The following RPH3A variants were observed in gnomAD, a reference collection of about 807,000 sequenced individuals.
The protein encoded by RPH3A is rabphilin 3A.
A neutral mutation model predicts 102.2 loss-of-function variants in RPH3A; 48 were observed. That is an observed-to-expected ratio of 0.47 (90% CI 0.37 to 0.60). The LOEUF is 0.60. Among genes scored for constraint, RPH3A ranks in the 20% least tolerant of loss-of-function variants. The probability of loss-of-function intolerance (pLI) is 0.00; values close to 1 mark genes in which losing one functional copy is unlikely to be tolerated. For missense variants in RPH3A, 781 were observed against 910.1 expected, an observed-to-expected ratio of 0.86 and a Z score of 1.83; for synonymous variants, 310 against 324.3, an observed-to-expected ratio of 0.96 and a Z score of 0.47.
chr12:112,827,463 T>C (rs1263195814), intron 2 of RPH3A, among the ~76,000 whole-genome samples: 24 of 152,226 alleles, frequency 1.6e-4, no homozygotes. Flanking sequence ...TGGTGAATAC[T>C]GGGCTGTTTC....
In RPH3A at chr12:112,876,773, T is replaced by A; in HGVS notation, c.1078T>A (p.Ser360Thr). 1.9e-6 allele frequency: 3 copies of A among 1,611,406 alleles called. No homozygotes were observed. Among genetic ancestry groups the A allele is most frequent in the South Asian group, 1.1e-5 (1 of 90,500 alleles). Residue 360 changes from serine (S) to threonine (T), a missense_variant, in exon 13 of 22, where the codon TCT becomes ACT. Ser to Thr is a moderately conservative substitution (Grantham distance 58). This residue lies in a region of RPH3A where 730 missense variants were observed against 810.0 expected (regional missense o/e 0.90). Transcript: ENST00000389385. Reference sequence around the variant, plus strand: ...CCCCTCCGGACCCTATTCCCAAGCATCTGCAGCTGCCCCCCAGCCTGCTGC... The same window carrying A: ...CCCCTCCGGACCCTATTCCCAAGCAACTGCAGCTGCCCCCCAGCCTGCTGC... The part of the protein sequence containing the change: ...SHPSGPYSQA[S>T]AAAPQPAAAR...
At chr12:112,797,207 T>C (rs535499728) in intron 2 of RPH3A, among the ~76,000 whole-genome samples, 7 of 152,186 alleles carry the variant, frequency 4.6e-5, no homozygotes, top group Non-Finnish European at 1.0e-4. Context: ...TTCATTCTTT[T>C]TCTTAAGGCT....
intron 1 of RPH3A, among the ~76,000 whole-genome samples, chr12:112,720,644 C>G (rs1489675384): frequency 6.6e-6 from 1 of 152,194 alleles, no homozygotes; most frequent in Non-Finnish European, 1.5e-5. Context: ...TCATTTGTCT[C>G]TTATCCTTTT....
chr12:112,859,341 C>T (rs2042469347), intron 5 of RPH3A, among the ~76,000 whole-genome samples: 1 of 152,158 alleles, frequency 6.6e-6, no homozygotes, highest in African/African-American at 2.4e-5. Flanking sequence ...GGCTTTTAAC[C>T]ATCGGCCACA....
intron 1 of RPH3A, among the ~76,000 whole-genome samples, chr12:112,736,108 AG>A (rs916174457): frequency 6.6e-6 from 1 of 152,108 alleles, no homozygotes; most frequent in African/African-American, 2.4e-5. Flanking sequence ...ACTCATTTAC[AG>A]TGGGGTTTCT....
chr12:112,697,021 A>G (rs912145365), intron 1 of RPH3A, among the ~76,000 whole-genome samples: 1 of 152,130 alleles, frequency 6.6e-6, no homozygotes, highest in Non-Finnish European at 1.5e-5. Flanking sequence ...AGAAAAATCT[A>G]CAAGTAATAT....
chr12:112,844,503 G>A (rs1593072657), intron 4 of RPH3A, among the ~76,000 whole-genome samples: 1 of 152,184 alleles, frequency 6.6e-6, no homozygotes, highest in Non-Finnish European at 1.5e-5. Context: ...ATGAGAACAT[G>A]GCCCAGCCCA....
At position 112,700,898 on chromosome 12, in the gene RPH3A, A is replaced by T. The variant is rs990227635; in HGVS notation, c.-139-91245A>T. Among the ~76,000 whole-genome samples, 41 of 152,042 alleles carry T rather than the reference A, an allele frequency of 2.7e-4. 1 individual carries two copies. Among genetic ancestry groups the T allele is most frequent in the African/African-American group, 9.9e-4 (41 of 41,390 alleles). On this transcript the variant is annotated intron_variant, in intron 1 of 21. Coordinates refer to the RPH3A transcript ENST00000543106. ...CCCAACCACCTTCTCTGGGCTGATG[A>T]TCCCTTCATCTCCATCCCCAGCACA...
At chr12:112,763,495 G>A (rs1565873312) in intron 1 of RPH3A, among the ~76,000 whole-genome samples, 2 of 152,304 alleles carry the variant, frequency 1.3e-5, no homozygotes, top group South Asian at 2.1e-4. Context: ...GGGCTTCCAG[G>A]TCATAGGTGG....
chr12:112,828,453 A>C, intron 3 of RPH3A, 64 bp downstream of exon 3: 1 of 1,227,436 alleles, frequency 8.1e-7, no homozygotes. Context: ...ACAATTCTAC[A>C]CTTGAAAAAA....
rs1158230534 is a variant in RPH3A at position 112,640,325 on chromosome 12, C to CAAAAAAAAAAAAAAAAAAAAAAAAA, written c.-140+65023_-140+65047dup. Reference sequence around the variant, plus strand: ...GGTCAACAAGAGCAAAACTCCATCTCAAAAAAAAAAAAAAAAAAAAAAAAA... The same window carrying CAAAAAAAAAAAAAAAAAAAAAAAAA: ...GGTCAACAAGAGCAAAACTCCATCTCAAAAAAAAAAAAAAAAAAAAAAAAAAAAAAAAAAAAAAAAAAAAAAAAAA... On this transcript the variant is annotated intron_variant, in intron 1 of 21. Coordinates refer to the RPH3A transcript ENST00000543106. 2.1e-4 allele frequency among the ~76,000 whole-genome samples: 3 copies of CAAAAAAAAAAAAAAAAAAAAAAAAA among 14,078 alleles called. 1 individual carries two copies. The highest frequency in any genetic ancestry group is 4.9e-3 in the East Asian group (2 of 406). 9.2% of individuals were successfully genotyped at this position (14,078 alleles called of 152,430 possible). A position where few individuals can be genotyped will look rare whatever the true frequency, so the allele number is the denominator to read the frequency against.
intron 2 of RPH3A, among the ~76,000 whole-genome samples, chr12:112,825,724 C>T (rs761384936): frequency 2.0e-5 from 3 of 152,050 alleles, no homozygotes; most frequent in South Asian, 4.2e-4. Context: ...GTGAACAAAA[C>T]GGAAAAAGTT....
chr12:112,579,071 T>C (rs2039378389), intron 1 of RPH3A, among the ~76,000 whole-genome samples: 1 of 152,216 alleles, frequency 6.6e-6, no homozygotes, highest in Non-Finnish European at 1.5e-5. Context: ...CATACTTTTT[T>C]TGTATACAAT....
chr12:112,754,942 G>T, intron 1 of RPH3A, among the ~76,000 whole-genome samples: 1 of 152,174 alleles, frequency 6.6e-6, no homozygotes, highest in South Asian at 2.1e-4. Flanking sequence ...TTTTTTAAAA[G>T]CTTCCCAGGT....
chr12:112,601,547 C>T (rs1566224362), intron 1 of RPH3A, among the ~76,000 whole-genome samples: 1 of 151,964 alleles, frequency 6.6e-6, no homozygotes, highest in East Asian at 1.9e-4. Flanking sequence ...AATCAAATTG[C>T]ACAAAAAAGT....
At chr12:112,597,653 T>C (rs1445428249) in intron 1 of RPH3A, among the ~76,000 whole-genome samples, 1 of 152,110 alleles carries the variant, frequency 6.6e-6, no homozygotes, top group African/African-American at 2.4e-5. Context: ...GCTGGGAGTA[T>C]GTATGTGATT....
intron 1 of RPH3A, among the ~76,000 whole-genome samples, chr12:112,737,238 G>A (rs73421235): frequency 0.18 from 26,711 of 151,668 alleles, 2,523 homozygotes; most frequent in Admixed American, 0.22. Context: ...TTATGCTAAG[G>A]GATGAATATA....
At chr12:112,647,943 C>T (rs2039943203) in intron 1 of RPH3A, among the ~76,000 whole-genome samples, 1 of 152,182 alleles carries the variant, frequency 6.6e-6, no homozygotes, top group Admixed American at 6.5e-5. Context: ...ATTCTTGCTA[C>T]TAGTCTTAGA....
chr12:112,626,861 A>C (rs1468717853), intron 1 of RPH3A, among the ~76,000 whole-genome samples: 1 of 68,546 alleles, frequency 1.5e-5, no homozygotes, highest in Non-Finnish European at 2.9e-5. Flanking sequence ...CATATACACC[A>C]TGGAATACTA....
Sources: allele counts gnomAD v4.1 joint callset (sites outside exome capture counted in the v4.1 genomes callset), GRCh38; gene constraint gnomAD v4.1.1; regional missense constraint gnomAD v4.1.1; transcripts MANE v1.5; gene names NCBI Gene and HGNC (gene_info 2026-07-23, HGNC 2026-07-21).